Variants in MTMR3 observed in about 807,000 individuals in gnomAD.
MTMR3 encodes myotubularin related protein 3.
In MTMR3, 32 loss-of-function variants were observed where a neutral mutation model predicts 132.4. That is an observed-to-expected ratio of 0.24 (90% CI 0.18 to 0.32). MTMR3 has a LOEUF of 0.32. Ranked by LOEUF, MTMR3 falls within the 10% of genes least tolerant of loss-of-function variation. MTMR3 has a pLI of 1.00. For missense variants in MTMR3, 1,216 were observed against 1,489.6 expected, an observed-to-expected ratio of 0.82 and a Z score of 3.02; for synonymous variants, 556 against 550.3, an observed-to-expected ratio of 1.01 and a Z score of -0.14.
intron 1 of MTMR3, among the ~76,000 whole-genome samples, chr22:29,929,307 T>C (rs1761616071): frequency 6.6e-6 from 1 of 151,960 alleles, no homozygotes. Flanking sequence ...AAAACACTCA[T>C]TTTTCCACCA....
At chr22:30,006,902 G>C in intron 9 of MTMR3, 2 of 547,840 alleles carry the variant, frequency 3.7e-6, no homozygotes, top group South Asian at 2.1e-5. Context: ...GGATCTCCGT[G>C]ATGTTATGGT....
intron 3 of MTMR3, 22 bp downstream of exon 3, chr22:29,971,084 TAA>T (rs545862845): frequency 1.8e-5 from 22 of 1,238,674 alleles, no homozygotes; most frequent in South Asian, 6.1e-5. Context: ...GAAATAAGAG[TAA>T]AAAAAAAAAC....
At chr22:29,979,103 C>A in intron 5 of MTMR3, 51 bp downstream of exon 5, 2 of 1,241,964 alleles carry the variant, frequency 1.6e-6, no homozygotes, top group Non-Finnish European at 2.4e-6. Flanking sequence ...GAAAGTAAGT[C>A]AAAAAACTTA....
rs989955594 is a variant in MTMR3 at position 30,013,348 on chromosome 22, C to T, written c.1318-8C>T. On this transcript the variant is annotated splice_polypyrimidine_tract_variant and splice_region_variant and intron_variant, in intron 13 of 19. Transcript: ENST00000401950. ...CACAAATGGTCTCTCCTGGATGCTT[C>T]CCTGCAGGGTTTCCAGGTCCTCGTG... is the stretch of plus-strand genomic sequence containing the variant. 4 of 1,613,370 alleles carry T rather than the reference C, an allele frequency of 2.5e-6. No individual in the cohort carries two copies. In the African/African-American group the frequency reaches 5.3e-5, roughly 22 times the overall value.
chr22:29,966,723 G>GTGCA (rs1227729522), intron 2 of MTMR3, among the ~76,000 whole-genome samples: 1 of 92,182 alleles, frequency 1.1e-5, no homozygotes, highest in Non-Finnish European at 2.0e-5. Flanking sequence ...CTGTAGGGGT[G>GTGCA]TGCGTGTGTG....
chr22:29,915,113 G>T (rs1348625234), intron 1 of MTMR3, among the ~76,000 whole-genome samples: 1 of 152,094 alleles, frequency 6.6e-6, no homozygotes, highest in East Asian at 1.9e-4. Flanking sequence ...CAAATATTTG[G>T]TTCTACCAGT....
chr22:29,950,980 G>T (rs1043797298), intron 1 of MTMR3, among the ~76,000 whole-genome samples: 1 of 152,040 alleles, frequency 6.6e-6, no homozygotes, highest in South Asian at 2.1e-4. Context: ...GTGAAACCCC[G>T]TCTCTACTGA....
At chr22:29,988,645 A>G in intron 6 of MTMR3, 83 bp downstream of exon 6, 1 of 1,006,610 alleles carries the variant, frequency 9.9e-7, no homozygotes, top group Middle Eastern at 2.6e-4. Context: ...GTAACTTAGT[A>G]AAATACCTTT....
intron 9 of MTMR3, chr22:30,005,098 A>C (rs1481819199): frequency 1.3e-5 from 2 of 152,226 alleles, no homozygotes; most frequent in Non-Finnish European, 2.9e-5. Context: ...TAGTTACTTA[A>C]GGGAGCTTGC....
chr22:29,975,361 A>G (rs9614123), intron 3 of MTMR3, among the ~76,000 whole-genome samples: 40,791 of 152,074 alleles, frequency 0.27, 5,590 homozygotes, highest in South Asian at 0.37. Context: ...TCATCCAAAG[A>G]TAGTTTTAGT....
At chr22:29,995,184 G>C (rs750971283) in intron 7 of MTMR3, 3 of 152,318 alleles carry the variant, frequency 2.0e-5, no homozygotes, top group African/African-American at 7.2e-5. Context: ...TAACACTGCT[G>C]TGAAGCTGCC....
At chr22:29,950,281 T>A (rs1463127845) in intron 1 of MTMR3, among the ~76,000 whole-genome samples, 5 of 152,228 alleles carry the variant, frequency 3.3e-5, no homozygotes, top group African/African-American at 4.8e-5. Flanking sequence ...CAACTCAGAT[T>A]TAAGTATGTC....
chr22:29,967,231 G>A (rs373117477), intron 2 of MTMR3, among the ~76,000 whole-genome samples: 1 of 107,902 alleles, frequency 9.3e-6, no homozygotes, highest in East Asian at 3.7e-4. Flanking sequence ...GTGTGTGTGT[G>A]TGCATGCGCG....
chr22:29,898,039 A>G (rs1390485694), intron 1 of MTMR3, among the ~76,000 whole-genome samples: 6 of 152,026 alleles, frequency 3.9e-5, no homozygotes, highest in African/African-American at 1.4e-4. Context: ...ACAGAGGCAC[A>G]ATCTTGGCTC....
intron 1 of MTMR3, among the ~76,000 whole-genome samples, chr22:29,893,938 T>A (rs2064844942): frequency 1.3e-5 from 2 of 152,164 alleles, no homozygotes; most frequent in Admixed American, 6.6e-5. Flanking sequence ...CTCCACCTCT[T>A]GGGTTCAAGC....
At chr22:29,955,787 T>G (rs1430936100) in intron 1 of MTMR3, among the ~76,000 whole-genome samples, 1 of 152,240 alleles carries the variant, frequency 6.6e-6, no homozygotes, top group Non-Finnish European at 1.5e-5. Flanking sequence ...AATCTCACAC[T>G]GTCGCCAAGG....
Position 30,017,939 on chromosome 22 carries a change from G to A in MTMR3, c.1687G>A (p.Val563Met). The A allele has an allele frequency of 6.2e-7, 1 of 1,613,582 alleles. No individual in the cohort carries two copies. Among genetic ancestry groups the A allele is most frequent in the Non-Finnish European group, 8.5e-7 (1 of 1,179,828 alleles). The change falls in exon 16 of 20, where the codon GTG (valine) becomes ATG (methionine). Residue 563 changes from valine (V) to methionine (M), a missense_variant. Physicochemically the swap from Val to Met is conservative, Grantham distance 21. Transcript: ENST00000401950. ...SSQSEAVLYP[V>M]CHVRNLMLWS... ...CCCCCCTCCTCAGGTGCTGTACCCT[G>A]TGTGCCATGTGCGTAACCTGATGCT... is the stretch of plus-strand genomic sequence containing the variant.
chr22:30,006,097 C>T (rs2067268653), intron 9 of MTMR3: 1 of 152,180 alleles, frequency 6.6e-6, no homozygotes, highest in Admixed American at 6.5e-5. Flanking sequence ...TCATCAGTGT[C>T]CTAGCCTGTA....
intron 10 of MTMR3, 66 bp downstream of exon 10, chr22:30,007,385 C>A: frequency 6.9e-7 from 1 of 1,453,234 alleles, no homozygotes; most frequent in Non-Finnish European, 9.6e-7. Context: ...CTTGAAATGG[C>A]CTCTTCCTTA....
Sources: allele counts gnomAD v4.1 joint callset (sites outside exome capture counted in the v4.1 genomes callset), GRCh38; gene constraint gnomAD v4.1.1; transcripts MANE v1.5; gene names NCBI Gene and HGNC (gene_info 2026-07-23, HGNC 2026-07-21).